The following CTNND2 variants were observed in gnomAD, a reference collection of about 807,000 sequenced individuals.
The protein encoded by CTNND2 is catenin delta 2, also known as catenin delta-2.
Under a neutral mutation model 144.4 loss-of-function variants are expected in CTNND2, and 22 were observed. That is an observed-to-expected ratio of 0.15 (90% CI 0.11 to 0.22). CTNND2 has a LOEUF of 0.22. Ranked by LOEUF, CTNND2 falls within the 10% of genes least tolerant of loss-of-function variation. The pLI is 1.00. For missense variants in CTNND2, 1,353 were observed against 1,618.8 expected (o/e 0.84, Z 2.82); for synonymous variants, 751 against 695.6 (o/e 1.08, Z -1.25).
intron 9 of CTNND2, among the ~76,000 whole-genome samples, chr5:11,265,405 A>C (rs1364165358): frequency 1.1e-4 from 16 of 152,202 alleles, no homozygotes; most frequent in Admixed American, 1.0e-3. Context: ...TGGGGCACAC[A>C]GGAGAAACCA....
intron 3 of CTNND2, among the ~76,000 whole-genome samples, chr5:11,473,779 A>G (rs912932949): frequency 6.6e-6 from 1 of 152,250 alleles, no homozygotes; most frequent in African/African-American, 2.4e-5. Flanking sequence ...AGATACTAGG[A>G]TAGAATCTGA....
At chr5:11,438,541 A>C (rs1763975469) in intron 3 of CTNND2, among the ~76,000 whole-genome samples, 1 of 151,854 alleles carries the variant, frequency 6.6e-6, no homozygotes, top group South Asian at 2.1e-4. Flanking sequence ...CTGAGTTTTT[A>C]AAGGTGATTA....
At chr5:11,512,685 G>A (rs1462726793) in intron 3 of CTNND2, among the ~76,000 whole-genome samples, 1 of 152,198 alleles carries the variant, frequency 6.6e-6, no homozygotes, top group Non-Finnish European at 1.5e-5. Context: ...GTGGTCAACA[G>A]TATTAGCATG....
chr5:11,743,403 C>T (rs563108381), intron 1 of CTNND2, among the ~76,000 whole-genome samples: 8 of 152,304 alleles, frequency 5.3e-5, no homozygotes, highest in African/African-American at 1.9e-4. Context: ...TTAAGACTTT[C>T]GCTTCCGTCA....
chr5:11,881,618 T>C (rs1280448677), intron 1 of CTNND2, among the ~76,000 whole-genome samples: 1 of 151,992 alleles, frequency 6.6e-6, no homozygotes, highest in Non-Finnish European at 1.5e-5. Context: ...GATTTCATTC[T>C]TTTTTTATTT....
intron 2 of CTNND2, among the ~76,000 whole-genome samples, chr5:11,640,737 G>C (rs1007472978): frequency 2.0e-5 from 3 of 152,130 alleles, no homozygotes; most frequent in Admixed American, 1.3e-4. Context: ...GCATCACTCT[G>C]TTAGCAGTCA....
At chr5:11,690,910 T>C (rs575753175) in intron 2 of CTNND2, among the ~76,000 whole-genome samples, 2 of 152,282 alleles carry the variant, frequency 1.3e-5, no homozygotes, top group African/African-American at 2.4e-5. Context: ...GATCACAGCA[T>C]ATTAACCTGA....
At chr5:11,539,505 CA>C (rs1212113346) in intron 3 of CTNND2, among the ~76,000 whole-genome samples, 5 of 152,230 alleles carry the variant, frequency 3.3e-5, no homozygotes, top group African/African-American at 1.2e-4. Context: ...GCTGATATTT[CA>C]GTCACTCTGT....
At chr5:11,260,023 A>C (rs565210451) in intron 9 of CTNND2, among the ~76,000 whole-genome samples, 1 of 152,198 alleles carries the variant, frequency 6.6e-6, no homozygotes, top group African/African-American at 2.4e-5. Flanking sequence ...TGACTTTCCT[A>C]TGCAGCTCTG....
intron 3 of CTNND2, among the ~76,000 whole-genome samples, chr5:11,415,879 T>C (rs1010314132): frequency 1.3e-5 from 2 of 152,154 alleles, no homozygotes; most frequent in African/African-American, 4.8e-5. Flanking sequence ...GAGGTCTTCA[T>C]GCTTTCTCTC....
intron 1 of CTNND2, among the ~76,000 whole-genome samples, chr5:11,735,356 T>C (rs1787622597): frequency 6.6e-6 from 1 of 152,064 alleles, no homozygotes; most frequent in Admixed American, 6.6e-5. Context: ...GTGGAACCTA[T>C]GAATTTCCAG....
intron 2 of CTNND2, among the ~76,000 whole-genome samples, chr5:11,691,589 G>A (rs1784911963): frequency 6.6e-6 from 1 of 151,732 alleles, no homozygotes; most frequent in Admixed American, 6.6e-5. Context: ...TATTTTAAAA[G>A]AAACTTTAAA....
chr5:11,386,861 G>A (rs539137597), intron 6 of CTNND2, among the ~76,000 whole-genome samples: 1 of 152,086 alleles, frequency 6.6e-6, no homozygotes, highest in African/African-American at 2.4e-5. Context: ...GTGGAGGATG[G>A]GTAACGAACA....
At chr5:11,886,927 T>A (rs982604136) in intron 1 of CTNND2, among the ~76,000 whole-genome samples, 3 of 152,004 alleles carry the variant, frequency 2.0e-5, no homozygotes, top group African/African-American at 7.2e-5. Flanking sequence ...AAGTTATGTT[T>A]CTTTTGATTC....
intron 1 of CTNND2, among the ~76,000 whole-genome samples, chr5:11,866,028 T>C (rs1358772985): frequency 6.6e-6 from 1 of 150,960 alleles, no homozygotes; most frequent in Admixed American, 6.6e-5. Context: ...GAGGAACAGG[T>C]GTAGTGGCTC....
chr5:11,709,957 G>T (rs1785929613), intron 2 of CTNND2, among the ~76,000 whole-genome samples: 1 of 152,122 alleles, frequency 6.6e-6, no homozygotes, highest in Admixed American at 6.6e-5. Flanking sequence ...AATGCCTTTG[G>T]TGTTCCACTT....
At chr5:11,375,103 T>C (rs1757811067) in intron 7 of CTNND2, among the ~76,000 whole-genome samples, 5 of 152,214 alleles carry the variant, frequency 3.3e-5, no homozygotes, top group Admixed American at 3.3e-4. Flanking sequence ...GAGGCCTTTT[T>C]CCTCAGATTG....
chr5:11,324,617 C>T (rs1425493471), intron 9 of CTNND2, among the ~76,000 whole-genome samples: 1 of 152,136 alleles, frequency 6.6e-6, no homozygotes, highest in Non-Finnish European at 1.5e-5. Flanking sequence ...GGTGTCTATC[C>T]TAACAAGGTC....
intron 18 of CTNND2, among the ~76,000 whole-genome samples, chr5:11,016,222 ACT>A (rs1258711935): frequency 6.6e-6 from 1 of 152,102 alleles, no homozygotes; most frequent in Non-Finnish European, 1.5e-5. Context: ...CTGAGGGATG[ACT>A]CTCATTGATC....
Sources: allele counts gnomAD v4.1 joint callset (sites outside exome capture counted in the v4.1 genomes callset), GRCh38; gene constraint gnomAD v4.1.1; transcripts MANE v1.5; gene names NCBI Gene and HGNC (gene_info 2026-07-23, HGNC 2026-07-21).